The following UBAP2 variants were observed in gnomAD, a reference collection of about 807,000 sequenced individuals.
The protein encoded by UBAP2 is ubiquitin-associated protein 2.
Under a neutral mutation model 139.6 loss-of-function variants are expected in UBAP2, and 75 were observed. That is an observed-to-expected ratio of 0.54 (90% CI 0.45 to 0.65). UBAP2 has a LOEUF of 0.65. Ranked by LOEUF, UBAP2 falls within the 30% of genes least tolerant of loss-of-function variation. The pLI is 0.00. For missense variants in UBAP2, 1,368 were observed against 1,369.6 expected (o/e 1.00, Z 0.02); for synonymous variants, 526 against 526.2 (o/e 1.00, Z 0.01).
chr9:33,924,004 G>C lies in UBAP2; in HGVS notation c.2591-4C>G, dbSNP rs767278693. On this transcript the variant is annotated splice_polypyrimidine_tract_variant and splice_region_variant and intron_variant, in intron 23 of 28. Transcript: ENST00000379238. ...CGGCCAAACTTTGTGACATCACCTA[G>C]GAAAGAGCACTGACTCCAGCCACTG... The C allele has an allele frequency of 5.6e-6, 9 of 1,613,270 alleles. No homozygotes were observed. Among genetic ancestry groups the C allele is most frequent in the Non-Finnish European group, 7.6e-6 (9 of 1,180,016 alleles).
intron 3 of UBAP2, chr9:33,996,856 G>C (rs1312648635): frequency 1.3e-5 from 2 of 153,180 alleles, no homozygotes; most frequent in East Asian, 3.8e-4. Context: ...GCAGAGACGA[G>C]AGGATTGCTT....
chr9:33,941,835 C>G lies in UBAP2; in HGVS notation c.1743G>C (p.Met581Ile). ...LSEPLNTSLS[M>I]TSAVQNSTYT... ...ATGTGGAGTTCTGTACTGCACTGGT[C>G]ATTGATAAAGATGTATTCAAAGGCT... The change falls in exon 16 of 29, where the codon ATG becomes ATC. Residue 581 changes from methionine (M) to isoleucine (I), a missense_variant. By Grantham distance (10) the Met-to-Ile change is conservative. Transcript: ENST00000379238. The G allele has an allele frequency of 6.2e-7, 1 of 1,612,400 alleles. No homozygotes were observed.
At chr9:33,972,144 T>C (rs1827962207) in intron 7 of UBAP2, among the ~76,000 whole-genome samples, 1 of 152,212 alleles carries the variant, frequency 6.6e-6, no homozygotes, top group Admixed American at 6.5e-5. Context: ...AAGTTTGGCT[T>C]TTACAGCTTA....
intron 6 of UBAP2, among the ~76,000 whole-genome samples, chr9:33,984,663 G>T (rs1007208646): frequency 1.3e-5 from 2 of 148,682 alleles, no homozygotes; most frequent in Non-Finnish European, 3.0e-5. Flanking sequence ...GGGCAACAGA[G>T]TGAGACACTG....
At chr9:33,948,634 C>T in intron 12 of UBAP2, 47 bp from the exon 13 acceptor site, 1 of 1,541,144 alleles carries the variant, frequency 6.5e-7, no homozygotes, top group Non-Finnish European at 8.9e-7. Context: ...TACAGAATTT[C>T]TGCCCAAGGC....
At chr9:34,016,339 G>T (rs1824315061) in intron 2 of UBAP2, among the ~76,000 whole-genome samples, 1 of 135,958 alleles carries the variant, frequency 7.4e-6, no homozygotes, top group Admixed American at 7.9e-5. Context: ...GGAGGAGGAG[G>T]AAGAGGAGGA....
intron 10 of UBAP2, among the ~76,000 whole-genome samples, chr9:33,957,730 T>G (rs1338243970): frequency 6.6e-6 from 1 of 152,212 alleles, no homozygotes; most frequent in African/African-American, 2.4e-5. Flanking sequence ...ATAAAAATGC[T>G]ACTCAAAATG....
Position 33,996,353 on chromosome 9 carries a change from ATGGT to A in UBAP2, c.178-24_178-21del. 1 of 1,585,676 alleles carries A rather than the reference ATGGT, an allele frequency of 6.3e-7. No homozygotes were observed. The highest frequency in any genetic ancestry group is 8.6e-7 in the Non-Finnish European group (1 of 1,156,462). ...CATAAGCTAGTGAACATATCAGAAA[ATGGT>A]TAGAGGCAAACAAAAAACTGGCACT... On this transcript the variant is annotated intron_variant, in intron 3 of 28. Coordinates refer to ENST00000379238, the MANE Select transcript of UBAP2 (RefSeq NM_001370062.2).
intron 1 of UBAP2, among the ~76,000 whole-genome samples, chr9:34,029,379 A>G (rs547242135): frequency 1.3e-5 from 2 of 151,870 alleles, no homozygotes; most frequent in African/African-American, 2.4e-5. Flanking sequence ...AATATAAAAA[A>G]TTAGCTGGAT....
At chr9:34,020,602 A>G (rs1824854893) in intron 1 of UBAP2, among the ~76,000 whole-genome samples, 1 of 151,822 alleles carries the variant, frequency 6.6e-6, no homozygotes, top group Admixed American at 6.6e-5. Context: ...CTGAGATTAC[A>G]GGCGTGTGCC....
chr9:34,005,328 G>A (rs1239806358), intron 2 of UBAP2, among the ~76,000 whole-genome samples: 1 of 150,440 alleles, frequency 6.6e-6, no homozygotes, highest in Non-Finnish European at 1.5e-5. Context: ...TCAGCTACCT[G>A]GAAGGCTGAG....
Position 33,943,470 on chromosome 9 carries a change from G to A in UBAP2, c.1665C>T (p.Ser555=), listed in dbSNP as rs767709169. The part of the protein sequence containing the change: ...PSLSEFGSAP[S]SENSNQIPIS... ...TGGGAATCTGATTACTATTTTCACT[G>A]CTTGGAGCTGATCCAAATTCAGAGA... Residue 555 remains serine, a synonymous_variant, in exon 15 of 29, where the codon AGC becomes AGT. Coordinates refer to ENST00000379238, the MANE Select transcript of UBAP2 (RefSeq NM_001370062.2). 2 of 1,614,176 alleles carry A rather than the reference G, an allele frequency of 1.2e-6. No homozygotes were observed. Among genetic ancestry groups the A allele is most frequent in the East Asian group, 2.2e-5 (1 of 44,886 alleles).
chr9:33,970,194 A>C (rs1044596320), intron 8 of UBAP2, among the ~76,000 whole-genome samples: 6 of 151,644 alleles, frequency 4.0e-5, no homozygotes, highest in Non-Finnish European at 1.5e-5. Flanking sequence ...TAATCTCCTA[A>C]TATCTATATG....
At chr9:34,028,759 C>A (rs1825633530) in intron 1 of UBAP2, among the ~76,000 whole-genome samples, 1 of 151,772 alleles carries the variant, frequency 6.6e-6, no homozygotes, top group Non-Finnish European at 1.5e-5. Context: ...TTATTCATAA[C>A]CAGTCTTCAC....
Position 33,943,597 on chromosome 9 carries a change from A to G in UBAP2, c.1546-8T>C, listed in dbSNP as rs1224944154. On this transcript the variant is annotated splice_polypyrimidine_tract_variant and splice_region_variant and intron_variant, in intron 14 of 28. Transcript: ENST00000379238. ...CACTGCAGAAGCTGGGATCTGAAAAAGCAAAGCTGTCGTGTCAGGAACAGA... is the reference window on the plus strand; with the variant it reads ...CACTGCAGAAGCTGGGATCTGAAAAGGCAAAGCTGTCGTGTCAGGAACAGA... 6.2e-7 allele frequency: 1 copy of G among 1,613,834 alleles called. No individual in the cohort carries two copies. The highest frequency in any genetic ancestry group is 1.3e-5 in the African/African-American group (1 of 74,878).
At chr9:33,939,567 G>A (rs1229596717) in intron 16 of UBAP2, among the ~76,000 whole-genome samples, 1 of 149,252 alleles carries the variant, frequency 6.7e-6, no homozygotes, top group East Asian at 2.0e-4. Context: ...AGACTAGCCT[G>A]GGTAACATGA....
intron 22 of UBAP2, among the ~76,000 whole-genome samples, chr9:33,924,541 C>T (rs1213856928): frequency 1.3e-5 from 2 of 152,250 alleles, no homozygotes; most frequent in African/African-American, 4.8e-5. Context: ...AAGCCTCACA[C>T]ATCCATTTGA....
chr9:33,933,378 G>A lies in UBAP2; in HGVS notation c.2108+112C>T, dbSNP rs915232068. 18 of 1,252,526 alleles carry A rather than the reference G, an allele frequency of 1.4e-5. No individual in the cohort carries two copies. In the East Asian group the frequency reaches 3.5e-4, roughly 25 times the overall value. 77.6% of individuals were successfully genotyped at this position (1,252,526 alleles called of 1,614,324 possible). On this transcript the variant is annotated intron_variant, in intron 18 of 28. Transcript: ENST00000379238. ...CTACAGTCGTAATGCAAAAGCCCAG[G>A]ACATCACGTCAGAGACAACAAGTGT...
At chr9:34,042,882 G>A (rs1466332437) in intron 1 of UBAP2, among the ~76,000 whole-genome samples, 1 of 151,930 alleles carries the variant, frequency 6.6e-6, no homozygotes, top group Non-Finnish European at 1.5e-5. Flanking sequence ...GACCAGCCTG[G>A]GCAACATAGC....
Sources: allele counts gnomAD v4.1 joint callset (sites outside exome capture counted in the v4.1 genomes callset), GRCh38; gene constraint gnomAD v4.1.1; transcripts MANE v1.5; gene names NCBI Gene and HGNC (gene_info 2026-07-23, HGNC 2026-07-21).